The following DNAH10 variants were observed in gnomAD, a reference collection of about 807,000 sequenced individuals.
DNAH10 encodes axonemal beta dynein heavy chain 10.
Under a neutral mutation model 506.6 loss-of-function variants are expected in DNAH10, and 348 were observed. That is an observed-to-expected ratio of 0.69 (90% confidence interval 0.63 to 0.75). The LOEUF (loss-of-function observed/expected upper bound fraction) is 0.75, where lower values mean the gene tolerates loss of function less well. Ranked by LOEUF, DNAH10 falls within the 30% of genes least tolerant of loss-of-function variation. DNAH10 has a pLI of 0.00. For missense variants in DNAH10, 5,179 were observed against 5,787.1 expected (o/e 0.89, Z 3.41); for synonymous variants, 2,059 against 2,198.6 (o/e 0.94, Z 1.78).
At position 123,808,862 on chromosome 12, in the gene DNAH10, T is replaced by C. The variant is rs199754524; in HGVS notation, c.3053T>C (p.Leu1018Pro). ...NVPLFHTETI[L>P]TAPEIILHPN... is the part of the protein sequence containing the mutation. ...CCTCTGTTCCACACTGAAACCATTC[T>C]GACGGCACCTGAGATCATCCTTCAT... Residue 1018 changes from leucine to proline, a missense_variant, in exon 19 of 79, where the codon CTG becomes CCG. Leu to Pro is a moderately conservative substitution (Grantham distance 98). This residue lies in a region of DNAH10 where 4,844 missense variants were observed against 5,430.5 expected (regional missense o/e 0.89). Transcript: ENST00000673944. The C allele has an allele frequency of 6.2e-7, 1 of 1,614,234 alleles. No individual in the cohort carries two copies. The highest frequency in any genetic ancestry group is 2.2e-5 in the East Asian group (1 of 44,888).
intron 29 of DNAH10, among the ~76,000 whole-genome samples, chr12:123,840,495 C>T (rs1255557756): frequency 1.4e-5 from 2 of 147,510 alleles, no homozygotes; most frequent in African/African-American, 5.1e-5. Flanking sequence ...GCCTCTACCT[C>T]CTGGGCTCAA....
intron 18 of DNAH10, among the ~76,000 whole-genome samples, chr12:123,805,847 G>A (rs142461493): frequency 1.4e-3 from 210 of 151,080 alleles, no homozygotes; most frequent in African/African-American, 4.8e-3. Flanking sequence ...CATGATCTCG[G>A]CTCACTGCAA....
rs755319082 is a variant in DNAH10 at position 123,902,727 on chromosome 12, G to C, written c.9641-212G>C. On this transcript the variant is annotated intron_variant, in intron 56 of 78. Coordinates refer to ENST00000673944, the MANE Select transcript of DNAH10 (RefSeq NM_001372106.1). The surrounding 1 kb of genome is among the most constrained non-coding windows in gnomAD (Gnocchi z 4.5). ...CAGGTGGGCCAGTTGAGGAAGGTCA[G>C]AGTCAGGGTGGCTGCCTAGTGCTGG... is the stretch of plus-strand genomic sequence containing the variant. 1.8e-4 allele frequency among the ~76,000 whole-genome samples: 27 copies of C among 152,178 alleles called. No individual in the cohort carries two copies. The highest frequency in any genetic ancestry group is 1.0e-4 in the Non-Finnish European group (7 of 68,032).
intron 56 of DNAH10, among the ~76,000 whole-genome samples, chr12:123,899,668 C>T (rs1953427378): frequency 6.6e-6 from 1 of 152,170 alleles, no homozygotes; most frequent in Non-Finnish European, 1.5e-5. Flanking sequence ...TCTGGGACTG[C>T]ACATTTTGAA....
chr12:123,766,938 C>G (rs1189471326), intron 1 of DNAH10, among the ~76,000 whole-genome samples: 3 of 147,680 alleles, frequency 2.0e-5, no homozygotes, highest in African/African-American at 7.5e-5. Flanking sequence ...CAGAGCCTCA[C>G]TTTGTCTCCC....
At position 123,922,752 on chromosome 12, in the gene DNAH10, G is replaced by A. The variant is rs986322196; in HGVS notation, c.11507-1011G>A. On this transcript the variant is annotated intron_variant, in intron 65 of 78. Transcript: ENST00000673944. ...TCCACACAAGGTCTTTCTTCTCTGC[G>A]TGTGAATCCCTGGTGTCTCTGTGTG... Among the ~76,000 whole-genome samples the A allele has an allele frequency of 3.3e-5, 5 of 152,254 alleles. No individual in the cohort carries two copies. In the East Asian group the frequency reaches 5.8e-4, roughly 18 times the overall value.
chr12:123,882,648 C>T (rs1266011797), intron 51 of DNAH10, among the ~76,000 whole-genome samples: 1 of 151,932 alleles, frequency 6.6e-6, no homozygotes, highest in African/African-American at 2.4e-5. Context: ...AAAAAATGAT[C>T]CAGGCATGGT....
At position 123,877,851 on chromosome 12, in the gene DNAH10, T is replaced by G; in HGVS notation, c.8315T>G (p.Phe2772Cys). The G allele has an allele frequency of 6.2e-7, 1 of 1,614,040 alleles. No homozygotes were observed. Among genetic ancestry groups the G allele is most frequent in the Non-Finnish European group, 8.5e-7 (1 of 1,179,896 alleles). ...PPTPSKFHYI[F>C]NLRDLSRVFN... The stretch of plus-strand genomic sequence containing the variant: ...ACTCCGTCAAAGTTCCATTACATCT[T>G]CAACCTTCGAGATCTCTCACGGGTT... The change falls in exon 48 of 79, where the codon TTC becomes TGC. Residue 2772 changes from phenylalanine (F) to cysteine (C), a missense_variant. Phe to Cys is a radical substitution (Grantham distance 205, BLOSUM62 -2). Transcript: ENST00000673944.
At chr12:123,901,666 A>T (rs149769460) in intron 56 of DNAH10, among the ~76,000 whole-genome samples, 11,706 of 152,108 alleles carry the variant, frequency 0.077, 1,307 homozygotes, top group African/African-American at 0.25. Flanking sequence ...TTAATTAATT[A>T]ATTTATTTTT....
intron 23 of DNAH10, 142 bp downstream of exon 23, chr12:123,819,392 AT>A: frequency 1.5e-6 from 1 of 668,344 alleles, no homozygotes; most frequent in Non-Finnish European, 2.5e-6. Flanking sequence ...TTCTTGGCTC[AT>A]TTTAGTGGTC....
chr12:123,783,216 G>A lies in DNAH10; in HGVS notation c.951G>A (p.Leu317=), dbSNP rs1957729256. The change falls in exon 7 of 79, where the codon CTG becomes CTA. Residue 317 remains leucine (L), a synonymous_variant. Coordinates refer to ENST00000673944, the MANE Select transcript of DNAH10 (RefSeq NM_001372106.1). ...TGGAGCAGTGTGTGATAAACTGGCT[G>A]AATCAGATATCCACAGCGGTTGAGG... ...DILEQCVINW[L]NQISTAVEAQ... 7 of 1,614,200 alleles carry A rather than the reference G, an allele frequency of 4.3e-6. No individual in the cohort carries two copies. The highest frequency in any genetic ancestry group is 4.2e-6 in the Non-Finnish European group (5 of 1,180,036).
chr12:123,864,143 C>CTTTTTTTTT (rs770676668), intron 39 of DNAH10, among the ~76,000 whole-genome samples: 16 of 117,156 alleles, frequency 1.4e-4, no homozygotes, highest in Non-Finnish European at 1.9e-4. Context: ...ACTTTTTTTT[C>CTTTTTTTTT]TTTTTTTTTT....
rs1360407253 is a variant in DNAH10 at position 123,902,659 on chromosome 12, A to T, written c.9641-280A>T. On this transcript the variant is annotated intron_variant, in intron 56 of 78. Coordinates refer to ENST00000673944, the MANE Select transcript of DNAH10 (RefSeq NM_001372106.1). This position sits in a 1 kb window ranked among gnomAD's most constrained non-coding sequence, Gnocchi z 4.5. ...CACCGGCGAGGCAGGGCTGGGGGCT[A>T]TCAGGAGCCATGGGATTTGTCCTGG... Among the ~76,000 whole-genome samples, 2 of 152,156 alleles carry T rather than the reference A, an allele frequency of 1.3e-5. No individual in the cohort carries two copies. The highest frequency in any genetic ancestry group is 4.1e-4 in the South Asian group (2 of 4,822).
At position 123,816,035 on chromosome 12, in the gene DNAH10, G is replaced by A. The variant is rs541330659; in HGVS notation, c.3780+2123G>A. On this transcript the variant is annotated intron_variant, in intron 21 of 78. Transcript: ENST00000673944. Reference sequence around the variant, plus strand: ...CTTTGATCTTTGACAAAAGACCAATGACTGTCTTTGGTCATTGTCCCTGGT... The same window carrying A: ...CTTTGATCTTTGACAAAAGACCAATAACTGTCTTTGGTCATTGTCCCTGGT... Among the ~76,000 whole-genome samples, 15 of 152,306 alleles carry A rather than the reference G, an allele frequency of 9.8e-5. 1 individual carries two copies. In the East Asian group the frequency reaches 2.9e-3, roughly 29 times the overall value.
rs190005359 is a variant in DNAH10 at position 123,762,937 on chromosome 12, G to A, written c.214+387G>A. Among the ~76,000 whole-genome samples, 8 of 152,266 alleles carry A rather than the reference G, an allele frequency of 5.3e-5. No homozygotes were observed. Among genetic ancestry groups the A allele is most frequent in the Admixed American group, 3.9e-4 (6 of 15,294 alleles). ...GTTAAGTAACCTGCCCAAGGCCCAC[G>A]GGGCGTCAAGATCCACTGTGCAATA... On this transcript the variant is annotated intron_variant, in intron 1 of 78. Transcript: ENST00000673944. This position sits in a 1 kb window ranked among gnomAD's most constrained non-coding sequence, Gnocchi z 5.0.
chr12:123,886,489 G>A (rs1442477617), intron 51 of DNAH10, among the ~76,000 whole-genome samples: 1 of 148,250 alleles, frequency 6.7e-6, no homozygotes, highest in South Asian at 2.2e-4. Context: ...GCGTGTGTGT[G>A]CACACGTGTG....
rs183673629 is a variant in DNAH10, at chr12:123,873,492, G to A, written c.7786-66G>A. 1,686 of 1,529,168 alleles carry A rather than the reference G, an allele frequency of 1.1e-3. 3 individuals carry two copies. The highest frequency in any genetic ancestry group is 4.8e-3 in the Admixed American group (219 of 46,084). 94.7% of individuals were successfully genotyped at this position (1,529,168 alleles called of 1,614,324 possible). A position where few individuals can be genotyped will look rare whatever the true frequency, so the allele number is the denominator to read the frequency against. On this transcript the variant is annotated intron_variant, in intron 45 of 78. Coordinates refer to ENST00000673944, the MANE Select transcript of DNAH10 (RefSeq NM_001372106.1). ...TTGCAAAATAGTTGCTAGCTTATTT[G>A]CAAATGTTTACTGCTGCTACCCTGG...
chr12:123,875,101 T>C, intron 46 of DNAH10, 130 bp from the exon 47 acceptor site: 1 of 1,054,196 alleles, frequency 9.5e-7, no homozygotes, highest in Non-Finnish European at 1.3e-6. Flanking sequence ...AGAAGCCCCA[T>C]GAAACTGAAA....
chr12:123,865,367 C>T (rs1951765049), intron 40 of DNAH10, among the ~76,000 whole-genome samples: 2 of 152,002 alleles, frequency 1.3e-5, no homozygotes, highest in South Asian at 4.1e-4. Context: ...ATGGACTGCT[C>T]GTTTCATAGG....
Sources: allele counts gnomAD v4.1 joint callset (sites outside exome capture counted in the v4.1 genomes callset), GRCh38; gene constraint gnomAD v4.1.1; regional missense constraint gnomAD v4.1.1; non-coding constraint Gnocchi (gnomAD v3.1); transcripts MANE v1.5; gene names NCBI Gene and HGNC (gene_info 2026-07-23, HGNC 2026-07-21).